NBEA: variants seen among roughly 807,000 people sequenced by gnomAD.
NBEA encodes neurobeachin.
Under a neutral mutation model 343.4 loss-of-function variants are expected in NBEA, and 44 were observed. The ratio of observed to expected loss-of-function variants is 0.13; its 90% confidence interval spans 0.10 to 0.16. The LOEUF (loss-of-function observed/expected upper bound fraction) is 0.16, where lower values mean the gene tolerates loss of function less well. Among genes scored for constraint, NBEA ranks in the 10% least tolerant of loss-of-function variants. The pLI, the probability that NBEA is intolerant of heterozygous loss-of-function variation, is 1.00. For synonymous variants in NBEA, 1,175 were observed against 1,238.7 expected (o/e 0.95, Z 1.08); for missense variants, 2,555 against 3,631.3 (o/e 0.70, Z 7.62).
In NBEA at chr13:34,943,125, G is replaced by A; in HGVS notation, c.294+11G>A. 6.2e-7 allele frequency: 1 copy of A among 1,612,614 alleles called. No individual in the cohort carries two copies. Among genetic ancestry groups the A allele is most frequent in the Non-Finnish European group, 8.5e-7 (1 of 1,179,510 alleles). ...ACGGTGCTCAACCTGGTAAGGAAAA[G>A]GCGTGCTCTCAATCTGCTTCCCCAG... is the stretch of plus-strand genomic sequence containing the variant. On this transcript the variant is annotated intron_variant, in intron 1 of 58. Transcript: ENST00000379939.
chr13:34,964,853 G>C (rs908051438), intron 1 of NBEA, among the ~76,000 whole-genome samples: 1 of 151,996 alleles, frequency 6.6e-6, no homozygotes, highest in African/African-American at 2.4e-5. Context: ...TAGGAACAGA[G>C]GGCAATAGAA....
At chr13:35,474,924 T>G (rs559548680) in intron 41 of NBEA, 2 of 1,104,790 alleles carry the variant, frequency 1.8e-6, no homozygotes, top group Non-Finnish European at 2.6e-6. Context: ...GATGTTTAAA[T>G]ATTGTATTAT....
chr13:35,387,922 C>G (rs1381512358), intron 38 of NBEA, among the ~76,000 whole-genome samples: 2 of 152,150 alleles, frequency 1.3e-5, no homozygotes, highest in Non-Finnish European at 2.9e-5. Context: ...TAGTAATCAT[C>G]ATCGTCTGAA....
intron 38 of NBEA, among the ~76,000 whole-genome samples, chr13:35,362,996 A>G (rs1330652722): frequency 6.6e-6 from 1 of 151,930 alleles, no homozygotes; most frequent in East Asian, 1.9e-4. Flanking sequence ...ATTCTCATGC[A>G]GTCTATTCAC....
chr13:35,538,576 T>A (rs2078665784), intron 41 of NBEA, among the ~76,000 whole-genome samples: 1 of 152,198 alleles, frequency 6.6e-6, no homozygotes, highest in African/African-American at 2.4e-5. Context: ...GGATCAGCTG[T>A]TAAACAGCAG....
chr13:35,317,223 C>G (rs2037802268), intron 36 of NBEA, among the ~76,000 whole-genome samples: 1 of 152,112 alleles, frequency 6.6e-6, no homozygotes, highest in Admixed American at 6.6e-5. Context: ...AGGTTTTCTT[C>G]TAGGGTTTTT....
rs185910886 is a variant in NBEA at position 35,527,069 on chromosome 13, G to T, written c.6586-23408G>T. 9.9e-5 allele frequency among the ~76,000 whole-genome samples: 15 copies of T among 152,110 alleles called. No individual in the cohort carries two copies. The East Asian group carries it at 2.7e-3, about 28-fold the overall frequency. On this transcript the variant is annotated intron_variant, in intron 41 of 58. Transcript: ENST00000379939. ...TCTCCTTCTTATCTCCCACAACATG[G>T]CAAGCAGGGGCCATGTTTCAGCCCT...
chr13:35,578,611 T>G (rs1158328657), intron 45 of NBEA, among the ~76,000 whole-genome samples: 1 of 152,206 alleles, frequency 6.6e-6, no homozygotes, highest in East Asian at 1.9e-4. Flanking sequence ...TAGGTTCGTA[T>G]TGAATGCCTT....
chr13:35,424,834 T>G (rs1270696612), intron 38 of NBEA, among the ~76,000 whole-genome samples: 1 of 152,200 alleles, frequency 6.6e-6, no homozygotes, highest in Non-Finnish European at 1.5e-5. Context: ...CAGAGCCTGT[T>G]GTAGGTCTAT....
intron 18 of NBEA, among the ~76,000 whole-genome samples, chr13:35,148,813 C>A (rs1363357463): frequency 6.6e-6 from 1 of 152,098 alleles, no homozygotes; most frequent in Non-Finnish European, 1.5e-5. Flanking sequence ...GTATCTGTCA[C>A]AACTACTCAA....
chr13:35,430,843 G>A (rs575729763), intron 38 of NBEA, among the ~76,000 whole-genome samples: 1 of 151,934 alleles, frequency 6.6e-6, no homozygotes, highest in East Asian at 1.9e-4. Context: ...AAATTAGGGA[G>A]GTATACTATT....
intron 53 of NBEA, 119 bp from the exon 54 acceptor site, chr13:35,654,736 A>G (rs2084727354): frequency 1.4e-6 from 1 of 723,910 alleles, no homozygotes; most frequent in Admixed American, 3.9e-5. Flanking sequence ...ATAATCTCAT[A>G]CCATTAAAAA....
intron 1 of NBEA, among the ~76,000 whole-genome samples, chr13:35,014,257 C>A (rs146528928): frequency 8.6e-4 from 131 of 152,222 alleles, no homozygotes; most frequent in Middle Eastern, 6.8e-3. Context: ...ACAAGTGAAT[C>A]TTCTCTTTTT....
chr13:35,235,742 A>G (rs766032850), intron 34 of NBEA, among the ~76,000 whole-genome samples: 10 of 152,136 alleles, frequency 6.6e-5, no homozygotes, highest in South Asian at 2.1e-4. Context: ...TCTTCTCATC[A>G]ATGCACAGAG....
chr13:35,182,149 A>T (rs1044065010), intron 28 of NBEA, among the ~76,000 whole-genome samples: 1 of 151,464 alleles, frequency 6.6e-6, no homozygotes, highest in Non-Finnish European at 1.5e-5. Flanking sequence ...TTTGGAAATT[A>T]CATTCCAACC....
At chr13:35,409,801 A>G (rs1185052601) in intron 38 of NBEA, among the ~76,000 whole-genome samples, 1 of 141,820 alleles carries the variant, frequency 7.1e-6, no homozygotes, top group African/African-American at 2.5e-5. Flanking sequence ...AGCTTAACAA[A>G]GTAGTAGCTC....
intron 38 of NBEA, among the ~76,000 whole-genome samples, chr13:35,419,315 C>T (rs557288980): frequency 6.6e-6 from 1 of 152,146 alleles, no homozygotes; most frequent in South Asian, 2.1e-4. Flanking sequence ...AGAACAGTGC[C>T]TTCTCCCTGT....
intron 39 of NBEA, among the ~76,000 whole-genome samples, chr13:35,449,585 G>T (rs2046203534): frequency 1.3e-5 from 2 of 152,154 alleles, no homozygotes; most frequent in Admixed American, 1.3e-4. Flanking sequence ...CTCAAATGAT[G>T]CAAGCTCTAT....
intron 1 of NBEA, among the ~76,000 whole-genome samples, chr13:34,948,915 G>C (rs1373995311): frequency 6.6e-6 from 1 of 152,112 alleles, no homozygotes; most frequent in Non-Finnish European, 1.5e-5. Flanking sequence ...AAGGCAGAGA[G>C]GCTCTTTCTG....
Sources: allele counts gnomAD v4.1 joint callset (sites outside exome capture counted in the v4.1 genomes callset), GRCh38; gene constraint gnomAD v4.1.1; transcripts MANE v1.5; gene names NCBI Gene and HGNC (gene_info 2026-07-23, HGNC 2026-07-21).